The following PRAG1 variants were observed in gnomAD, a reference collection of about 807,000 sequenced individuals.
PRAG1 encodes the protein PEAK1 related, kinase-activating pseudokinase 1, also known as inactive tyrosine-protein kinase PRAG1.
A neutral mutation model predicts 95.6 loss-of-function variants in PRAG1; 110 were observed. That is an observed-to-expected ratio of 1.15 (90% CI 0.99 to 1.35). The LOEUF (loss-of-function observed/expected upper bound fraction) is 1.35. Ranked by LOEUF, PRAG1 falls within the 40% of genes most tolerant of loss-of-function variation. The pLI, the probability that PRAG1 is intolerant of heterozygous loss-of-function variation, is 0.00. For synonymous variants in PRAG1, 1,052 were observed against 819.4 expected (o/e 1.28, Z -4.85); for missense variants, 2,554 against 1,864.7 (o/e 1.37, Z -6.81).
intron 5 of PRAG1, among the ~76,000 whole-genome samples, chr8:8,324,023 T>C (rs1355424654): frequency 6.6e-6 from 1 of 152,224 alleles, no homozygotes; most frequent in Admixed American, 6.5e-5. Flanking sequence ...TCCTTCCTCG[T>C]AGGGCCATTG....
chr8:8,375,143 A>G (rs905105799), intron 3 of PRAG1, among the ~76,000 whole-genome samples: 1 of 152,000 alleles, frequency 6.6e-6, no homozygotes, highest in Non-Finnish European at 1.5e-5. Flanking sequence ...AGGAGATAGC[A>G]GGGAAGCAGT....
At chr8:8,384,502 G>C (rs1422262680) in intron 1 of PRAG1, among the ~76,000 whole-genome samples, 1 of 141,096 alleles carries the variant, frequency 7.1e-6, no homozygotes, top group Non-Finnish European at 1.5e-5. Context: ...CATTGAATAA[G>C]AAAAGAACAA....
At chr8:8,328,585 T>TTTTCTA (rs60324439) in intron 4 of PRAG1, 124 bp from the exon 5 acceptor site, 128,628 of 1,044,566 alleles carry the variant, frequency 0.12, 10,549 homozygotes, top group East Asian at 0.3. Context: ...ATGTTACTTC[T>TTTTCTA]TTTCTATTTC....
At chr8:8,380,763 G>T (rs891424742) in intron 2 of PRAG1, among the ~76,000 whole-genome samples, 1 of 145,244 alleles carries the variant, frequency 6.9e-6, no homozygotes, top group Admixed American at 7.1e-5. Flanking sequence ...TGAGGCAGGA[G>T]AATCGCTTGA....
rs141848219 is a variant in PRAG1, at chr8:8,360,259, G to A, written c.2162+15988C>T. Reference sequence around the variant, plus strand: ...TAAAATGACCTGGCCTCCCACATCTGTAACATCTGTCTTGCCCTCCCTGTC... The same window carrying A: ...TAAAATGACCTGGCCTCCCACATCTATAACATCTGTCTTGCCCTCCCTGTC... On this transcript the variant is annotated intron_variant, in intron 3 of 5. Transcript: ENST00000615670. Among the ~76,000 whole-genome samples the A allele has an allele frequency of 5.1e-3, 776 of 152,190 alleles. 5 individuals carry two copies. Among genetic ancestry groups the A allele is most frequent in the African/African-American group, 0.018 (744 of 41,532 alleles).
At position 8,319,002 on chromosome 8, in the gene PRAG1, G is replaced by A. The variant is rs376844217; in HGVS notation, c.3373C>T (p.Leu1125=). The A allele has an allele frequency of 6.2e-7, 1 of 1,613,488 alleles. No homozygotes were observed. Residue 1125 remains leucine, a synonymous_variant, in exon 6 of 6, where the codon CTG becomes TTG. Transcript: ENST00000615670. ...AGCCCGTTGCAGAGTTGCAGAAGCAGGAAGCACACGCGCCGCTCGTACGCC... is the reference window on the plus strand; with the variant it reads ...AGCCCGTTGCAGAGTTGCAGAAGCAAGAAGCACACGCGCCGCTCGTACGCC... ...PEAYERRVCF[L]LLQLCNGLEH... is the part of the protein sequence containing the mutation.
intron 4 of PRAG1, among the ~76,000 whole-genome samples, chr8:8,333,924 G>T (rs1798901777): frequency 6.6e-6 from 1 of 152,222 alleles, no homozygotes; most frequent in Admixed American, 6.5e-5. Flanking sequence ...GAAAACTAAA[G>T]CCATCTGCAC....
chr8:8,376,119 C>T, intron 3 of PRAG1, 128 bp downstream of exon 3: 1 of 1,318,098 alleles, frequency 7.6e-7, no homozygotes, highest in Non-Finnish European at 1.0e-6. Flanking sequence ...GGGAAATTTA[C>T]ATAAAGGCAC....
At chr8:8,349,746 T>A (rs1799458977) in intron 3 of PRAG1, among the ~76,000 whole-genome samples, 1 of 152,192 alleles carries the variant, frequency 6.6e-6, no homozygotes, top group Non-Finnish European at 1.5e-5. Context: ...GAAATCAGTT[T>A]CATCTTTGGT....
chr8:8,341,727 T>A (rs1183094261), intron 3 of PRAG1, among the ~76,000 whole-genome samples: 3 of 152,250 alleles, frequency 2.0e-5, no homozygotes, highest in Non-Finnish European at 2.9e-5. Context: ...GGATTCAGTT[T>A]TACTCATATT....
At chr8:8,361,322 C>T (rs771297122) in intron 3 of PRAG1, among the ~76,000 whole-genome samples, 52 of 152,268 alleles carry the variant, frequency 3.4e-4, no homozygotes, top group Middle Eastern at 3.4e-3. Flanking sequence ...TGCCCAGATT[C>T]CTGGAATTCC....
At chr8:8,383,578 T>A (rs1279252339) in intron 1 of PRAG1, among the ~76,000 whole-genome samples, 1 of 151,842 alleles carries the variant, frequency 6.6e-6, no homozygotes, top group Non-Finnish European at 1.5e-5. Flanking sequence ...TGAGACCCTG[T>A]CTAAAAAAAC....
chr8:8,325,234 C>T (rs79363244), intron 5 of PRAG1, among the ~76,000 whole-genome samples: 541 of 152,302 alleles, frequency 3.6e-3, no homozygotes, highest in Middle Eastern at 6.8e-3. Flanking sequence ...CACGGCCCGC[C>T]CCCCCAATGA....
chr8:8,376,971 G>T lies in PRAG1; in HGVS notation c.1438C>A (p.His480Asn). 2.5e-6 allele frequency: 4 copies of T among 1,613,544 alleles called. No homozygotes were observed. The highest frequency in any genetic ancestry group is 2.5e-6 in the Non-Finnish European group (3 of 1,179,930). ...ATCGTCCGATGGTCCTCTTCCGGGT[G>T]GGCCGCCATGACTGTGATGGTGGCT... is the stretch of plus-strand genomic sequence containing the variant. The part of the protein sequence containing the change: ...VSATITVMAA[H>N]PEEDHRTIYL... The change falls in exon 3 of 6, where the codon CAC becomes AAC. Residue 480 changes from histidine to asparagine, a missense_variant. His to Asn is a moderately conservative substitution (Grantham distance 68). Transcript: ENST00000615670.
At chr8:8,339,455 T>G in intron 4 of PRAG1, 23 bp downstream of exon 4, 1 of 1,611,106 alleles carries the variant, frequency 6.2e-7, no homozygotes, top group Non-Finnish European at 8.5e-7. Context: ...TCTAAGCCTC[T>G]CCGTCAATGT....
At chr8:8,384,592 TAC>T (rs1453744527) in intron 1 of PRAG1, among the ~76,000 whole-genome samples, 1 of 139,218 alleles carries the variant, frequency 7.2e-6, no homozygotes, top group African/African-American at 2.8e-5. Flanking sequence ...AAACAGAATT[TAC>T]CACCGCATGC....
chr8:8,377,671 C>T lies in PRAG1; in HGVS notation c.738G>A (p.Gly246=). 1.2e-6 allele frequency: 2 copies of T among 1,613,856 alleles called. No homozygotes were observed. The highest frequency in any genetic ancestry group is 1.7e-6 in the Non-Finnish European group (2 of 1,180,014). ...AGCAGTACTCTCCACCCTCGCTGTC[C>T]CCGGAGGGCGAGCACCTTTGATCAC... ...DDSDQRCSPS[G]DSEGGEYCSI... is the part of the protein sequence containing the mutation. Residue 246 remains glycine (G), a synonymous_variant, in exon 3 of 6, where the codon GGG becomes GGA. Transcript: ENST00000615670.
At chr8:8,336,069 C>A (rs530025551) in intron 4 of PRAG1, among the ~76,000 whole-genome samples, 2 of 152,152 alleles carry the variant, frequency 1.3e-5, no homozygotes, top group Admixed American at 1.3e-4. Flanking sequence ...GGTATCACTG[C>A]CCTGGTACAT....
At chr8:8,370,933 G>C (rs909657508) in intron 3 of PRAG1, among the ~76,000 whole-genome samples, 8 of 152,192 alleles carry the variant, frequency 5.3e-5, no homozygotes, top group Non-Finnish European at 2.9e-5. Context: ...GAAGTAAGGA[G>C]TTCGAGATCA....
Sources: gnomAD v4.1 joint callset for allele counts (sites outside exome capture counted in the v4.1 genomes callset) on GRCh38, gnomAD v4.1.1 for gene constraint, MANE v1.5 for transcripts, NCBI Gene and HGNC (gene_info 2026-07-23, HGNC 2026-07-21) for gene names.